PECR: variants seen among roughly 807,000 people sequenced by gnomAD.
PECR encodes the protein 2,4-dienoyl-CoA reductase-related protein.
Under a neutral mutation model 35.3 loss-of-function variants are expected in PECR, and 30 were observed. The observed-to-expected ratio is 0.85, with a 90% CI of 0.64 to 1.15. PECR has a LOEUF of 1.15. Ranked by LOEUF, PECR falls within the 50% of genes most tolerant of loss-of-function variation. The pLI is 0.00. For synonymous variants in PECR, 148 were observed against 138.9 expected (o/e 1.07, Z -0.46); for missense variants, 392 against 370.8 (o/e 1.06, Z -0.47).
At chr2:216,076,762 T>C (rs1382429412) in intron 1 of PECR, among the ~76,000 whole-genome samples, 1 of 151,798 alleles carries the variant, frequency 6.6e-6, no homozygotes, top group African/African-American at 2.4e-5. Flanking sequence ...GTCAAGCCAC[T>C]GCACTCCAGC....
At position 216,081,621 on chromosome 2, in the gene PECR, G is replaced by A. The variant is rs1448379163; in HGVS notation, c.121C>T (p.Leu41=). The change falls in exon 1 of 8, where the codon CTG becomes TTG. Residue 41 remains leucine (L), a synonymous_variant. Coordinates refer to ENST00000265322, the MANE Select transcript of PECR (RefSeq NM_018441.6). ...GKAIVKELLE[L]GSNVVIASRK... ...CACCAGCGGCCCGCTCACGTACCCAGCTCCAGGAGCTCCTTCACGATGGCT... is the reference window on the plus strand; with the variant it reads ...CACCAGCGGCCCGCTCACGTACCCAACTCCAGGAGCTCCTTCACGATGGCT... The A allele has an allele frequency of 1.2e-6, 2 of 1,613,602 alleles. No individual in the cohort carries two copies. The highest frequency in any genetic ancestry group is 1.7e-6 in the Non-Finnish European group (2 of 1,179,966).
In PECR at chr2:216,058,889, G is replaced by T; in HGVS notation, c.506+6C>A. ...CTTAGAAAGAAAACTATATAAAAAC[G>T]CTTACACAGCTAATGGAAATCCAGC... On this transcript the variant is annotated splice_donor_region_variant and intron_variant, in intron 4 of 7. Coordinates refer to ENST00000265322, the MANE Select transcript of PECR (RefSeq NM_018441.6). 6.6e-7 allele frequency: 1 copy of T among 1,524,212 alleles called. No homozygotes were observed. Among genetic ancestry groups the T allele is most frequent in the Non-Finnish European group, 9.1e-7 (1 of 1,098,476 alleles). The allele number at this position is 1,524,212 out of a possible 1,614,324, so 94.4% of individuals were successfully genotyped here.
chr2:216,034,324 A>G (rs1357757754), downstream of PECR, among the ~76,000 whole-genome samples: 1 of 152,214 alleles, frequency 6.6e-6, no homozygotes, highest in East Asian at 1.9e-4. Context: ...TGTGGGTCCC[A>G]GCTGCTGCCC....
intron 7 of PECR, among the ~76,000 whole-genome samples, chr2:216,031,647 AAAAG>A (rs200929112): frequency 0.031 from 3,049 of 97,858 alleles, 84 homozygotes; most frequent in African/African-American, 0.065. Flanking sequence ...AAGGAAGAAG[AAAAG>A]AAAGAAAGAA....
chr2:216,074,457 A>C (rs1212589210), intron 1 of PECR, among the ~76,000 whole-genome samples: 1 of 151,204 alleles, frequency 6.6e-6, no homozygotes, highest in Non-Finnish European at 1.5e-5. Context: ...AAAGAAAAGA[A>C]AGAAAAGAAA....
intron 3 of PECR, among the ~76,000 whole-genome samples, chr2:216,064,961 A>T (rs1252356122): frequency 6.6e-6 from 1 of 152,166 alleles, no homozygotes; most frequent in African/African-American, 2.4e-5. Context: ...TTCTCCCTGA[A>T]TTTATTAATT....
chr2:216,066,276 G>T, intron 2 of PECR, 109 bp downstream of exon 2: 1 of 901,838 alleles, frequency 1.1e-6, no homozygotes, highest in Non-Finnish European at 1.9e-6. Context: ...CTTCTAGTGA[G>T]CCTCATCTAA....
rs1695058960 is a variant in PECR, at chr2:216,049,332, G to A, written c.645C>T (p.Ser215=). Residue 215 remains serine (S), a synonymous_variant, in exon 6 of 8, where the codon TCC becomes TCT. Coordinates refer to ENST00000265322, the MANE Select transcript of PECR (RefSeq NM_018441.6). The part of the protein sequence containing the change: ...YSQTAVENYG[S]WGQSFFEGSF... Reference sequence around the variant, plus strand: ...ACCCTTCAAAGAAGCTTTGTCCCCAGGAACCATAGTTCTCCACAGCAGTCT... The same window carrying A: ...ACCCTTCAAAGAAGCTTTGTCCCCAAGAACCATAGTTCTCCACAGCAGTCT... 5 of 1,600,308 alleles carry A rather than the reference G, an allele frequency of 3.1e-6. No individual in the cohort carries two copies. In the South Asian group the frequency reaches 5.5e-5, roughly 18 times the overall value.
chr2:216,041,836 A>C (rs1694891546), intron 7 of PECR, among the ~76,000 whole-genome samples: 1 of 152,246 alleles, frequency 6.6e-6, no homozygotes, highest in Non-Finnish European at 1.5e-5. Flanking sequence ...GACTGGGTTC[A>C]AGAGCTTCCA....
chr2:216,071,686 A>G (rs1194905333), intron 1 of PECR, among the ~76,000 whole-genome samples: 1 of 152,166 alleles, frequency 6.6e-6, no homozygotes, highest in Non-Finnish European at 1.5e-5. Flanking sequence ...TCCTCTTCAC[A>G]ATCAAAATCA....
At chr2:216,075,896 T>G (rs1695687922) in intron 1 of PECR, among the ~76,000 whole-genome samples, 1 of 152,240 alleles carries the variant, frequency 6.6e-6, no homozygotes, top group East Asian at 1.9e-4. Flanking sequence ...CTACTATACC[T>G]AATTTATGTT....
At chr2:216,043,032 T>TATATATACACACATAC (rs1559207797) in intron 7 of PECR, among the ~76,000 whole-genome samples, 1 of 127,916 alleles carries the variant, frequency 7.8e-6, no homozygotes, top group African/African-American at 3.0e-5. Flanking sequence ...TACGTATATA[T>TATATATACACACATAC]GTATGTGTAT....
chr2:216,070,225 T>C (rs1695561316), intron 1 of PECR, among the ~76,000 whole-genome samples: 1 of 152,232 alleles, frequency 6.6e-6, no homozygotes, highest in African/African-American at 2.4e-5. Context: ...AAATGTGATA[T>C]TTTGATATAT....
chr2:216,047,233 G>A (rs1359944693), intron 6 of PECR, among the ~76,000 whole-genome samples: 1 of 151,110 alleles, frequency 6.6e-6, no homozygotes, highest in Non-Finnish European at 1.5e-5. Context: ...ACTCCAGCCT[G>A]GGCAAGAAGA....
chr2:216,059,795 A>G (rs1385650075), intron 3 of PECR, among the ~76,000 whole-genome samples: 1 of 152,200 alleles, frequency 6.6e-6, no homozygotes, highest in East Asian at 1.9e-4. Context: ...TGTCAGTACC[A>G]CACTGTCTTA....
At chr2:216,061,949 T>A (rs1477218382) in intron 3 of PECR, among the ~76,000 whole-genome samples, 1 of 150,810 alleles carries the variant, frequency 6.6e-6, no homozygotes, top group Non-Finnish European at 1.5e-5. Flanking sequence ...AATTGTTTAT[T>A]TAAAACGAGT....
downstream of PECR, among the ~76,000 whole-genome samples, chr2:216,036,874 T>C (rs532840101): frequency 6.2e-4 from 94 of 152,336 alleles, no homozygotes; most frequent in African/African-American, 2.2e-3. Context: ...GGTATAATGT[T>C]CACAAGGGTC....
intron 6 of PECR, 126 bp from the exon 7 acceptor site, chr2:216,044,141 G>A: frequency 1.5e-6 from 1 of 681,454 alleles, no homozygotes; most frequent in South Asian, 1.5e-5. Flanking sequence ...GTGTGTGCAT[G>A]TGCACCACAA....
chr2:216,070,884 C>T (rs1016343841), intron 1 of PECR, among the ~76,000 whole-genome samples: 13 of 152,200 alleles, frequency 8.5e-5, no homozygotes, highest in African/African-American at 3.1e-4. Flanking sequence ...GGGTGGCAGA[C>T]GCAGTTTGTC....
Sources: gnomAD v4.1 joint callset for allele counts (sites outside exome capture counted in the v4.1 genomes callset) on GRCh38, gnomAD v4.1.1 for gene constraint, MANE v1.5 for transcripts, NCBI Gene and HGNC (gene_info 2026-07-23, HGNC 2026-07-21) for gene names.